Variants in RECQL4 observed in about 807,000 individuals in gnomAD.
The protein encoded by RECQL4 is ATP-dependent DNA helicase Q4.
Under a neutral mutation model 128.6 loss-of-function variants are expected in RECQL4, and 158 were observed. The ratio of observed to expected loss-of-function variants is 1.23; its 90% CI spans 1.08 to 1.40. RECQL4 has a LOEUF of 1.40. Among genes scored for constraint, RECQL4 ranks in the 40% most tolerant of loss-of-function variants. RECQL4 has a pLI of 0.00. For synonymous variants in RECQL4, 996 were observed against 678.9 expected, an observed-to-expected ratio of 1.47 and a Z score of -7.26; for missense variants, 2,293 against 1,649.8, an observed-to-expected ratio of 1.39 and a Z score of -6.75.
chr8:144,515,719 C>T lies in RECQL4; in HGVS notation c.1258+45G>A, dbSNP rs771092267. 1.8e-5 allele frequency: 29 copies of T among 1,603,064 alleles called. No homozygotes were observed. In the African/African-American group the frequency reaches 3.3e-4, roughly 18 times the overall value. ...GTCCCCCAAAAGAGCACTGCGCCCT[C>T]TCCACAGTGTTGGCCGGACCCACCC... On this transcript the variant is annotated intron_variant, in intron 6 of 20. Transcript: ENST00000617875.
Position 144,514,084 on chromosome 8 carries a change from C to T in RECQL4, c.1902G>A (p.Val634=), listed in dbSNP as rs1395441455. Reference sequence around the variant, plus strand: ...TGGCTGTGAGGCCCAGGAAGCAGTGCACGCCCATGCGCTCCCGAAGCACCT... The same window carrying T: ...TGGCTGTGAGGCCCAGGAAGCAGTGTACGCCCATGCGCTCCCGAAGCACCT... ...VCKVLRERMG[V]HCFLGLTATA... is the part of the protein sequence containing the mutation. Residue 634 remains valine (V), a synonymous_variant, in exon 12 of 21, where the codon GTG becomes GTA. Transcript: ENST00000617875. 3.1e-6 allele frequency: 5 copies of T among 1,597,398 alleles called. No individual in the cohort carries two copies. The highest frequency in any genetic ancestry group is 1.7e-5 in the Admixed American group (1 of 57,858).
intron 9 of RECQL4, 122 bp from the exon 10 acceptor site, chr8:144,514,647 G>A (rs1827884710): frequency 9.1e-7 from 1 of 1,095,070 alleles, no homozygotes; most frequent in African/African-American, 1.6e-5. Context: ...CAGGTCCTGG[G>A]TCCTAGGGCT....
rs760532630 is a variant in RECQL4, at chr8:144,512,215, G to C, written c.3165C>G (p.Leu1055=). 1 of 1,612,346 alleles carries C rather than the reference G, an allele frequency of 6.2e-7. No individual in the cohort carries two copies. The highest frequency in any genetic ancestry group is 8.5e-7 in the Non-Finnish European group (1 of 1,179,746). Residue 1055 remains leucine, a synonymous_variant, in exon 18 of 21, where the codon CTC becomes CTG. Coordinates refer to ENST00000617875, the MANE Select transcript of RECQL4 (RefSeq NM_004260.4). ...GCTCCCGGGCCTGCACACGGCCATAGAGGAAGTCACATATCTGGTCCTTCT... is the reference window on the plus strand; with the variant it reads ...GCTCCCGGGCCTGCACACGGCCATACAGGAAGTCACATATCTGGTCCTTCT... ...AEEKDQICDF[L]YGRVQARERQ...
chr8:144,516,821 C>T (rs1268310547), intron 4 of RECQL4, 57 bp from the exon 5 acceptor site: 6 of 1,477,420 alleles, frequency 4.1e-6, no homozygotes, highest in Middle Eastern at 3.6e-4. Flanking sequence ...CTACTGTAGA[C>T]TCTAAAACCT....
At chr8:144,515,679 G>A (rs1828055309) in intron 6 of RECQL4, 85 bp downstream of exon 6, 2 of 1,538,922 alleles carry the variant, frequency 1.3e-6, no homozygotes, top group South Asian at 1.2e-5. Flanking sequence ...AAGGCCTGTT[G>A]CTTGGAACAT....
At chr8:144,514,814 G>T in intron 9 of RECQL4, 122 bp downstream of exon 9, 3 of 1,256,934 alleles carry the variant, frequency 2.4e-6, no homozygotes, top group Non-Finnish European at 3.4e-6. Context: ...TGGGACTGAG[G>T]CCACAGACAC....
At chr8:144,514,548 C>A (rs774456984) in intron 9 of RECQL4, 23 bp from the exon 10 acceptor site, 3 of 1,604,030 alleles carry the variant, frequency 1.9e-6, no homozygotes, top group East Asian at 4.5e-5. Flanking sequence ...GAGCGACAGC[C>A]GTCATACGCC....
chr8:144,512,602 ATTCTCCAACCTC>A (rs762544755), intron 16 of RECQL4, 28 bp downstream of exon 16: 2 of 1,611,826 alleles, frequency 1.2e-6, no homozygotes, highest in South Asian at 1.1e-5. Context: ...AACAGCCCTG[ATTCTCCAACCTC>A]GTCTCCAACT....
Position 144,516,361 on chromosome 8 carries a change from T to C in RECQL4, c.758A>G (p.Gln253Arg), listed in dbSNP as rs373588660. ...QEVSIRVGSP[Q>R]PSSSGGEKRR... Reference sequence around the variant, plus strand: ...CTTCTCGCCTCCACTGCTGCTGGGCTGGGGGCTCCCCACACGGATGCTGAC... The same window carrying C: ...CTTCTCGCCTCCACTGCTGCTGGGCCGGGGGCTCCCCACACGGATGCTGAC... The change falls in exon 5 of 21, where the codon CAG becomes CGG. Residue 253 changes from glutamine (Q) to arginine (R), a missense_variant. Coordinates refer to ENST00000617875, the MANE Select transcript of RECQL4 (RefSeq NM_004260.4). 2.5e-6 allele frequency: 4 copies of C among 1,609,978 alleles called. No homozygotes were observed. The highest frequency in any genetic ancestry group is 3.4e-6 in the Non-Finnish European group (4 of 1,179,692).
rs1827157034 is a variant in RECQL4, at chr8:144,511,344, C to CG, written c.*86_*87insC. On this transcript the variant is annotated 3_prime_UTR_variant, in exon 21 of 21. Coordinates refer to ENST00000617875, the MANE Select transcript of RECQL4 (RefSeq NM_004260.4). ...TTTTGGAGCCTCCTCGTTCCCACAC[C>CG]CTGTGGCAGGTTTTGCCCAGGTCCT... is the stretch of plus-strand genomic sequence containing the variant. The CG allele has an allele frequency of 6.3e-7, 1 of 1,584,354 alleles. No individual in the cohort carries two copies. The highest frequency in any genetic ancestry group is 1.3e-5 in the African/African-American group (1 of 74,234).
At chr8:144,517,290 T>A (rs968763228) in intron 3 of RECQL4, 100 bp from the exon 4 acceptor site, 3 of 1,503,018 alleles carry the variant, frequency 2.0e-6, no homozygotes, top group Non-Finnish European at 2.7e-6. Flanking sequence ...CCGGCCCTTC[T>A]TCACTTTGCC....
Position 144,515,354 on chromosome 8 carries a change from G to C in RECQL4, c.1362C>G (p.Tyr454Ter), listed in dbSNP as rs756512101. ...CCAACTGCCCTGAGGGCCCCAGGGA[G>C]TAGAGTGGCAGCACGGTGGGGTCCA... ...PSLDPTVLPL[Y>*]SLGPSGQLAE... Residue 454 changes from tyrosine (Y) to a stop codon, truncating the protein, a stop_gained, in exon 7 of 21, where the codon TAC becomes TAG. Transcript: ENST00000617875. LOFTEE classifies it high-confidence loss of function. The C allele has an allele frequency of 3.1e-6, 5 of 1,612,786 alleles. No homozygotes were observed.
At position 144,513,267 on chromosome 8, in the gene RECQL4, G is replaced by A. The variant is rs765894032; in HGVS notation, c.2414C>T (p.Ala805Val). 3.1e-6 allele frequency: 5 copies of A among 1,594,108 alleles called. No homozygotes were observed. The African/African-American group carries it at 5.4e-5, about 17-fold the overall frequency. Reference protein sequence around the residue: ...FESYVQAVGRAGRDGQPAHCH... With the variant: ...FESYVQAVGRVGRDGQPAHCH... ...GTGGGCAGGCTGCCCGTCACGCCCG[G>A]CCCGGCCCACGGCCTGCACGTAGCT... is the stretch of plus-strand genomic sequence containing the variant. The change falls in exon 14 of 21, where the codon GCC (alanine) becomes GTC (valine). Residue 805 changes from alanine to valine, a missense_variant. By Grantham distance (64) the Ala-to-Val change is moderately conservative. Transcript: ENST00000617875.
At position 144,513,640 on chromosome 8, in the gene RECQL4, C is replaced by A; in HGVS notation, c.2131G>T (p.Glu711Ter). 1.3e-6 allele frequency: 2 copies of A among 1,588,558 alleles called. No homozygotes were observed. The highest frequency in any genetic ancestry group is 1.7e-6 in the Non-Finnish European group (2 of 1,168,152). ...DSIIIYCNRREDTERIAALLR... is the reference protein window; with the variant it reads ...DSIIIYCNRR ...AGCGCAGCGATCCGCTCTGTGTCCT[C>A]GCGCCGGTTGCAGTAAATGATAATG... The change falls in exon 13 of 21, where the codon GAG becomes TAG. Residue 711 changes from glutamate (E) to a stop codon, truncating the protein, a stop_gained. Coordinates refer to ENST00000617875, the MANE Select transcript of RECQL4 (RefSeq NM_004260.4). LOFTEE classifies it high-confidence loss of function.
Position 144,517,646 on chromosome 8 carries a change from A to G in RECQL4, c.85-11T>C, listed in dbSNP as rs761740492. The G allele has an allele frequency of 6.8e-7, 1 of 1,480,008 alleles. No homozygotes were observed. 91.7% of individuals were successfully genotyped at this position (1,480,008 alleles called of 1,614,324 possible). ...CGCCTCCACGTCGTCCTGTAAAGGG[A>G]ACGCGTCAGCCGCGGGCCGCGCCCT... On this transcript the variant is annotated splice_polypyrimidine_tract_variant and intron_variant, in intron 1 of 20. Transcript: ENST00000617875.
At position 144,513,595 on chromosome 8, in the gene RECQL4, C is replaced by A; in HGVS notation, c.2176G>T (p.Ala726Ser). The change falls in exon 13 of 21, where the codon GCA (alanine) becomes TCA (serine). Residue 726 changes from alanine (A) to serine (S), a missense_variant. By Grantham distance (99) the Ala-to-Ser change is moderately conservative. Coordinates refer to ENST00000617875, the MANE Select transcript of RECQL4 (RefSeq NM_004260.4). ...CCTCCAGACCCTGGGACCCAGGCTGCGTGCAGGCAGGTTCGGAGGAGCGCA... is the reference window on the plus strand; with the variant it reads ...CCTCCAGACCCTGGGACCCAGGCTGAGTGCAGGCAGGTTCGGAGGAGCGCA... ...IAALLRTCLH[A>S]AWVPGSGGRA... 6.2e-7 allele frequency: 1 copy of A among 1,609,392 alleles called. No individual in the cohort carries two copies. The highest frequency in any genetic ancestry group is 8.5e-7 in the Non-Finnish European group (1 of 1,178,514).
In RECQL4 at chr8:144,513,408, C is replaced by T. The variant is rs748416710; in HGVS notation, c.2273G>A (p.Arg758Gln). ...MCSRERRRVQ[R>Q]AFMQGQLRVV... ...CCGCAACTGGCCCTGCATGAAGGCTCGCTGTACCCGCCGCCGTTCCCGGCT... is the reference window on the plus strand; with the variant it reads ...CCGCAACTGGCCCTGCATGAAGGCTTGCTGTACCCGCCGCCGTTCCCGGCT... Residue 758 changes from arginine to glutamine, a missense_variant, in exon 14 of 21, where the codon CGA (arginine) becomes CAA (glutamine). By Grantham distance (43) the Arg-to-Gln change is conservative. Coordinates refer to ENST00000617875, the MANE Select transcript of RECQL4 (RefSeq NM_004260.4). 61 of 1,608,612 alleles carry T rather than the reference C, an allele frequency of 3.8e-5. 1 individual carries two copies. The highest frequency in any genetic ancestry group is 2.9e-4 in the East Asian group (13 of 44,882).
chr8:144,511,859 C>G, intron 19 of RECQL4, 52 bp downstream of exon 19: 1 of 1,610,174 alleles, frequency 6.2e-7, no homozygotes, highest in Non-Finnish European at 8.5e-7. Context: ...AAGCCCCATG[C>G]AGCCCAGGGA....
In RECQL4 at chr8:144,514,348, C is replaced by T. The variant is rs1486328195; in HGVS notation, c.1719G>A (p.Gln573=). ...ESVLQKIRAA[Q]VHVLMLTPEA... Reference sequence around the variant, plus strand: ...CAGGTGTCAGCATCAGCACGTGTACCTGGGCTGCCCGAATCTGAAGGCAGC... The same window carrying T: ...CAGGTGTCAGCATCAGCACGTGTACTTGGGCTGCCCGAATCTGAAGGCAGC... Residue 573 remains glutamine (Q), a synonymous_variant, in exon 11 of 21, where the codon CAG becomes CAA. Coordinates refer to ENST00000617875, the MANE Select transcript of RECQL4 (RefSeq NM_004260.4). 25 of 1,602,796 alleles carry T rather than the reference C, an allele frequency of 1.6e-5. No homozygotes were observed. Among genetic ancestry groups the T allele is most frequent in the Non-Finnish European group, 2.0e-5 (23 of 1,173,014 alleles).
Sources: gnomAD v4.1 joint callset for allele counts on GRCh38, gnomAD v4.1.1 for gene constraint, MANE v1.5 for transcripts, NCBI Gene and HGNC (gene_info 2026-07-23, HGNC 2026-07-21) for gene names.